ACSF2: variants seen among roughly 807,000 people sequenced by gnomAD.
The protein encoded by ACSF2 is acyl-CoA synthetase family member 2.
In ACSF2, 52 loss-of-function variants were observed where a neutral mutation model predicts 79.3. The ratio of observed to expected loss-of-function variants is 0.66; its 90% CI spans 0.53 to 0.83. ACSF2 has a LOEUF of 0.83. ACSF2 is among the 40% of genes least tolerant of loss of function. The pLI is 0.00. For synonymous variants in ACSF2, 283 were observed against 312.6 expected (o/e 0.91, Z 1.00); for missense variants, 661 against 803.3 (o/e 0.82, Z 2.14).
intron 10 of ACSF2, 55 bp downstream of exon 10, chr17:50,464,349 G>A: frequency 1.3e-6 from 2 of 1,538,590 alleles, no homozygotes; most frequent in Admixed American, 1.7e-5. Context: ...GATGACAGCA[G>A]ATGGACAGAC....
rs993799239 is a variant in ACSF2 at position 50,471,337 on chromosome 17, G to C, written c.1323+202G>C. On this transcript the variant is annotated intron_variant, in intron 11 of 15. Transcript: ENST00000300441. The surrounding 1 kb of genome is among the most constrained non-coding windows in gnomAD (Gnocchi z 4.1). The stretch of plus-strand genomic sequence containing the variant: ...ATGAAAGGGGAAGAGCTGGAACAGT[G>C]GCTGTGAGCGGCTGCCAGCTGAACT... The C allele has an allele frequency of 1.1e-5, 6 of 554,284 alleles. No individual in the cohort carries two copies. The highest frequency in any genetic ancestry group is 2.0e-5 in the Non-Finnish European group (6 of 307,596). 34.3% of individuals were successfully genotyped at this position (554,284 alleles called of 1,614,324 possible).
intron 1 of ACSF2, among the ~76,000 whole-genome samples, chr17:50,427,753 A>C (rs1356161706): frequency 6.6e-6 from 1 of 152,180 alleles, no homozygotes; most frequent in Admixed American, 6.5e-5. Context: ...AATAAGTAAT[A>C]AATCAGGCCA....
chr17:50,426,293 G>A lies in ACSF2; in HGVS notation c.32G>A (p.Gly11Glu). The A allele has an allele frequency of 7.1e-7, 1 of 1,418,018 alleles. No homozygotes were observed. The highest frequency in any genetic ancestry group is 9.2e-7 in the Non-Finnish European group (1 of 1,081,308). 87.8% of individuals were successfully genotyped at this position (1,418,018 alleles called of 1,614,324 possible). Reference sequence around the variant, plus strand: ...GTCTACGTCGGGATGCTGCGCCTGGGGAGGCTGTGCGCCGGGAGCTCGGGG... The same window carrying A: ...GTCTACGTCGGGATGCTGCGCCTGGAGAGGCTGTGCGCCGGGAGCTCGGGG... MAVYVGMLRL[G>E]RLCAGSSGVL... Residue 11 changes from glycine (G) to glutamate (E), a missense_variant, in exon 1 of 16, where the codon GGG becomes GAG. Gly to Glu is a moderately conservative substitution (Grantham distance 98). Transcript: ENST00000300441.
chr17:50,464,755 G>T, intron 10 of ACSF2: 1 of 294,894 alleles, frequency 3.4e-6, no homozygotes, highest in Non-Finnish European at 6.5e-6. Flanking sequence ...AACCTGTTGT[G>T]GTTCTGATTG....
chr17:50,462,962 G>A (rs545216032), intron 6 of ACSF2, 194 bp from the exon 7 acceptor site: 34 of 609,986 alleles, frequency 5.6e-5, no homozygotes, highest in Non-Finnish European at 7.5e-5. Context: ...GCATGAGAAC[G>A]GAGACCTTAT....
At chr17:50,447,496 C>G (rs566854667) in intron 1 of ACSF2, among the ~76,000 whole-genome samples, 160 of 151,970 alleles carry the variant, frequency 1.1e-3, no homozygotes, top group African/African-American at 3.3e-3. Flanking sequence ...GAGCCGAGAT[C>G]GCGCCACTGC....
At position 50,460,857 on chromosome 17, in the gene ACSF2, C is replaced by A. The variant is rs757231514; in HGVS notation, c.309C>A (p.Ala103=). ...ATGAAGACGTCAGGTTGACCTTTGC[C>A]CAACTCAAGGAGGAGGTGGGTCCTG... ...VLHEDVRLTF[A]QLKEEVDKAA... Residue 103 remains alanine (A), a synonymous_variant, in exon 2 of 16, where the codon GCC becomes GCA. Transcript: ENST00000300441. The A allele has an allele frequency of 6.2e-7, 1 of 1,609,680 alleles. No homozygotes were observed. The highest frequency in any genetic ancestry group is 1.7e-5 in the Admixed American group (1 of 59,586).
rs539784859 is a variant in ACSF2 at position 50,464,772 on chromosome 17, G to C, written c.1215+478G>C. 864 of 329,954 alleles carry C rather than the reference G, an allele frequency of 2.6e-3. 61 individuals are homozygous for C. Among genetic ancestry groups the C allele is most frequent in the South Asian group, 6.3e-3 (283 of 45,194 alleles). The allele number at this position is 329,954 out of a possible 1,614,324, so 20.4% of individuals were successfully genotyped here. On this transcript the variant is annotated intron_variant, in intron 10 of 15. Transcript: ENST00000300441. The stretch of plus-strand genomic sequence containing the variant: ...CCTGTTGTGGTTCTGATTGACTTGG[G>C]GGGGGGGTCTCAGCAACAGCTTCTC...
chr17:50,462,067 G>A (rs1338445417), intron 4 of ACSF2, 117 bp from the exon 5 acceptor site: 2 of 802,838 alleles, frequency 2.5e-6, no homozygotes, highest in Admixed American at 2.1e-5. Context: ...GTGTGCTGGA[G>A]GTGTGTGTGT....
chr17:50,465,148 C>G (rs1280999324), intron 10 of ACSF2: 1 of 886,776 alleles, frequency 1.1e-6, no homozygotes. Context: ...CTCCCTTCAA[C>G]AGGGGACCCA....
Position 50,471,060 on chromosome 17 carries a change from G to C in ACSF2, c.1248G>C (p.Val416=). The C allele has an allele frequency of 6.2e-7, 1 of 1,614,094 alleles. No individual in the cohort carries two copies. The highest frequency in any genetic ancestry group is 8.5e-7 in the Non-Finnish European group (1 of 1,180,018). ...VAYGTTENSP[V]TFAHFPEDTV... is the part of the protein sequence containing the mutation. The stretch of plus-strand genomic sequence containing the variant: ...ATGGAACCACAGAGAACAGTCCCGT[G>C]ACATTCGCGCACTTCCCTGAGGACA... Residue 416 remains valine (V), a synonymous_variant, in exon 11 of 16, where the codon GTG becomes GTC. Transcript: ENST00000300441. This position sits in a 1 kb window ranked among gnomAD's most constrained non-coding sequence, Gnocchi z 4.1.
intron 3 of ACSF2, 23 bp from the exon 4 acceptor site, chr17:50,461,610 T>A (rs2032331755): frequency 6.2e-7 from 1 of 1,613,944 alleles, no homozygotes; most frequent in African/African-American, 1.3e-5. Context: ...AGAATACTGA[T>A]ATGCCCTCGC....
chr17:50,470,502 G>A (rs970304752), intron 10 of ACSF2, among the ~76,000 whole-genome samples: 1 of 152,098 alleles, frequency 6.6e-6, no homozygotes, highest in Non-Finnish European at 1.5e-5. Flanking sequence ...GGGGACGCCT[G>A]CCCCAAGGCC....
intron 1 of ACSF2, among the ~76,000 whole-genome samples, chr17:50,428,715 G>A (rs540613740): frequency 6.6e-5 from 10 of 152,330 alleles, no homozygotes; most frequent in African/African-American, 2.2e-4. Context: ...CTGGGAAGCG[G>A]AGGTTGCACT....
At chr17:50,428,213 G>A (rs771882284) in intron 1 of ACSF2, among the ~76,000 whole-genome samples, 8 of 152,110 alleles carry the variant, frequency 5.3e-5, no homozygotes, top group Non-Finnish European at 8.8e-5. Flanking sequence ...AAGGCTGGGT[G>A]GGTGGCTCAT....
At chr17:50,460,587 C>T (rs1189575139) in intron 1 of ACSF2, 90 bp from the exon 2 acceptor site, 26 of 1,220,780 alleles carry the variant, frequency 2.1e-5, no homozygotes, top group Non-Finnish European at 5.7e-6. Flanking sequence ...TTGTCAGCAG[C>T]CTACCCCCTG....
intron 10 of ACSF2, 66 bp from the exon 11 acceptor site, chr17:50,470,962 A>T: frequency 8.5e-7 from 1 of 1,175,832 alleles, no homozygotes; most frequent in Non-Finnish European, 1.3e-6. Context: ...CCATTTCCTC[A>T]GATAGCTCAC....
chr17:50,456,601 G>A (rs975263659), intron 1 of ACSF2, among the ~76,000 whole-genome samples: 9 of 152,012 alleles, frequency 5.9e-5, no homozygotes, highest in South Asian at 2.1e-4. Context: ...GCGTGGTGGC[G>A]CATGCCTGTA....
intron 1 of ACSF2, among the ~76,000 whole-genome samples, chr17:50,453,315 T>C (rs1162134304): frequency 6.6e-6 from 1 of 152,070 alleles, no homozygotes; most frequent in Non-Finnish European, 1.5e-5. Flanking sequence ...TTCAAGCTTC[T>C]CCTGCCTTGG....
Sources: allele counts gnomAD v4.1 joint callset (sites outside exome capture counted in the v4.1 genomes callset), GRCh38; gene constraint gnomAD v4.1.1; non-coding constraint Gnocchi (gnomAD v3.1); transcripts MANE v1.5; gene names NCBI Gene and HGNC (gene_info 2026-07-23, HGNC 2026-07-21).